Variants in LRP8 observed in about 807,000 individuals in gnomAD.
LRP8 encodes the protein low-density lipoprotein receptor-related protein 8.
Under a neutral mutation model 111.6 loss-of-function variants are expected in LRP8, and 46 were observed. That is an observed-to-expected ratio of 0.41 (90% CI 0.33 to 0.53). LRP8 has a LOEUF of 0.53. LRP8 is among the 20% of genes least tolerant of loss of function. LRP8 has a pLI of 0.20. For synonymous variants in LRP8, 464 were observed against 511.2 expected (o/e 0.91, Z 1.24); for missense variants, 959 against 1,297.4 (o/e 0.74, Z 4.01).
chr1:53,277,011 G>A lies in LRP8; in HGVS notation c.564C>T (p.Gly188=), dbSNP rs371476274. The change falls in exon 5 of 19, where the codon GGC becomes GGT. Residue 188 remains glycine (G), a synonymous_variant. Transcript: ENST00000306052. ...SCLAAVFVCD[G]DDDCGDGSDE... ...CGCTGCCGTCACCACAGTCGTCGTC[G>A]CCGTCGCACACGAACACGGCGGCCA... is the stretch of plus-strand genomic sequence containing the variant. 1.4e-5 allele frequency: 21 copies of A among 1,518,618 alleles called. No individual in the cohort carries two copies. The East Asian group carries it at 5.4e-4, about 39-fold the overall frequency. 94.1% of individuals were successfully genotyped at this position (1,518,618 alleles called of 1,614,324 possible).
chr1:53,322,266 C>A (rs775809819), intron 2 of LRP8, among the ~76,000 whole-genome samples: 107 of 152,170 alleles, frequency 7.0e-4, no homozygotes, highest in Non-Finnish European at 1.3e-3. Flanking sequence ...GATGTAAAAA[C>A]CAGGTGTGTC....
At position 53,275,512 on chromosome 1, in the gene LRP8, TG is replaced by T; in HGVS notation, c.1006+118del. The stretch of plus-strand genomic sequence containing the variant: ...GGTGATTTAGGGGCAAGTGATGCTC[TG>T]GGGGAAAATGCATCTTGGGGACCAA... On this transcript the variant is annotated intron_variant, in intron 6 of 18. Transcript: ENST00000306052. This position sits in a 1 kb window ranked among gnomAD's most constrained non-coding sequence, Gnocchi z 4.4. 1 of 1,365,006 alleles carries T rather than the reference TG, an allele frequency of 7.3e-7. No individual in the cohort carries two copies. The allele number at this position is 1,365,006 out of a possible 1,614,324, so 84.6% of individuals were successfully genotyped here. A position where few individuals can be genotyped will look rare whatever the true frequency, so the allele number is the denominator to read the frequency against.
intron 3 of LRP8, among the ~76,000 whole-genome samples, chr1:53,289,087 A>C (rs997039875): frequency 2.6e-5 from 4 of 152,238 alleles, no homozygotes; most frequent in Middle Eastern, 3.2e-3. Flanking sequence ...CAAGTCACTC[A>C]ACCTCTTTGA....
chr1:53,314,123 G>A (rs918122450), intron 2 of LRP8, among the ~76,000 whole-genome samples: 10 of 152,182 alleles, frequency 6.6e-5, no homozygotes, highest in African/African-American at 1.4e-4. Context: ...CCTGCACTCC[G>A]GCCTAGTCCA....
At chr1:53,314,220 C>T (rs1308857252) in intron 2 of LRP8, among the ~76,000 whole-genome samples, 1 of 152,230 alleles carries the variant, frequency 6.6e-6, no homozygotes, top group Non-Finnish European at 1.5e-5. Flanking sequence ...TGCCCTGCTA[C>T]CCAGGAGAGC....
rs752541201 is a variant in LRP8 at position 53,264,156 on chromosome 1, T to C, written c.1655+13A>G. 44 of 1,612,856 alleles carry C rather than the reference T, an allele frequency of 2.7e-5. No individual in the cohort carries two copies. The highest frequency in any genetic ancestry group is 3.5e-5 in the Non-Finnish European group (41 of 1,179,268). Reference sequence around the variant, plus strand: ...TATGGTGGGAGAATGGGAAGTTCAGTTGGGACACTCACCCTCGCAGGGGGT... The same window carrying C: ...TATGGTGGGAGAATGGGAAGTTCAGCTGGGACACTCACCCTCGCAGGGGGT... On this transcript the variant is annotated intron_variant, in intron 10 of 18. Coordinates refer to ENST00000306052, the MANE Select transcript of LRP8 (RefSeq NM_004631.5).
In LRP8 at chr1:53,250,905, A is replaced by C. The variant is rs768431147; in HGVS notation, c.2504-43T>G. On this transcript the variant is annotated intron_variant, in intron 16 of 18. Coordinates refer to ENST00000306052, the MANE Select transcript of LRP8 (RefSeq NM_004631.5). This position sits in a 1 kb window ranked among gnomAD's most constrained non-coding sequence, Gnocchi z 4.6. The stretch of plus-strand genomic sequence containing the variant: ...GACACTGGACCTCCAGCAGGCTCCA[A>C]CCCACTGCTCAGACATCTGTACAAG... The C allele has an allele frequency of 1.3e-5, 20 of 1,568,474 alleles. No homozygotes were observed. The highest frequency in any genetic ancestry group is 1.7e-5 in the Non-Finnish European group (19 of 1,139,432).
chr1:53,287,396 G>A (rs1647729677), intron 3 of LRP8, among the ~76,000 whole-genome samples: 1 of 152,238 alleles, frequency 6.6e-6, no homozygotes, highest in Non-Finnish European at 1.5e-5. Context: ...AAGGGGGAAA[G>A]GGGGTCTCAG....
intron 4 of LRP8, among the ~76,000 whole-genome samples, chr1:53,278,665 G>C (rs1378479017): frequency 6.6e-6 from 1 of 151,672 alleles, no homozygotes; most frequent in African/African-American, 2.4e-5. Context: ...CTGACACCTA[G>C]ATGAGCTCCC....
intron 8 of LRP8, 75 bp downstream of exon 8, chr1:53,270,953 A>G: frequency 1.9e-6 from 3 of 1,607,378 alleles, no homozygotes; most frequent in Non-Finnish European, 2.6e-6. Flanking sequence ...GTACACGCCC[A>G]CTCCTCACAA....
intron 12 of LRP8, among the ~76,000 whole-genome samples, 194 bp from the exon 13 acceptor site, chr1:53,260,799 G>A (rs1646305607): frequency 6.6e-6 from 1 of 152,150 alleles, no homozygotes; most frequent in Non-Finnish European, 1.5e-5. Flanking sequence ...CTATCTTAGA[G>A]GATTATTCAG....
At chr1:53,300,860 C>T (rs928130094) in intron 2 of LRP8, among the ~76,000 whole-genome samples, 4 of 152,220 alleles carry the variant, frequency 2.6e-5, no homozygotes, top group African/African-American at 9.6e-5. Flanking sequence ...CCAGGCTGCC[C>T]TTGACCTCTG....
rs200063111 is a variant in LRP8, at chr1:53,264,342, C to T, written c.1482G>A (p.Glu494=). The change falls in exon 10 of 19, where the codon GAG becomes GAA. Residue 494 remains glutamate (E), a synonymous_variant. Coordinates refer to ENST00000306052, the MANE Select transcript of LRP8 (RefSeq NM_004631.5). Reference sequence around the variant, plus strand: ...CCAGGCCCTCTGGAGAGTGCAACTGCTCGTCAATGAGGACCTCCTGCTCTT... The same window carrying T: ...CCAGGCCCTCTGGAGAGTGCAACTGTTCGTCAATGAGGACCTCCTGCTCTT... ...DPKEQEVLID[E]QLHSPEGLAV... is the part of the protein sequence containing the mutation. The T allele has an allele frequency of 6.2e-7, 1 of 1,614,110 alleles. No individual in the cohort carries two copies. Among genetic ancestry groups the T allele is most frequent in the Admixed American group, 1.7e-5 (1 of 60,012 alleles).
intron 2 of LRP8, among the ~76,000 whole-genome samples, chr1:53,300,788 A>G (rs977159286): frequency 2.0e-5 from 3 of 152,180 alleles, no homozygotes; most frequent in Admixed American, 6.5e-5. Context: ...GAGTTCCACA[A>G]AGCCCTGCCT....
chr1:53,302,628 T>G (rs1421938595), intron 2 of LRP8, among the ~76,000 whole-genome samples: 2 of 152,024 alleles, frequency 1.3e-5, no homozygotes, highest in African/African-American at 2.4e-5. Flanking sequence ...TTGCTTGCAC[T>G]GCATTAGGAA....
chr1:53,264,031 T>C, intron 10 of LRP8, 138 bp downstream of exon 10: 1 of 797,520 alleles, frequency 1.3e-6, no homozygotes, highest in Non-Finnish European at 2.0e-6. Flanking sequence ...TGGTTGGGGA[T>C]TAACAAGACT....
At chr1:53,272,178 C>G (rs1191744578) in intron 6 of LRP8, among the ~76,000 whole-genome samples, 2 of 152,092 alleles carry the variant, frequency 1.3e-5, no homozygotes, top group African/African-American at 4.8e-5. Context: ...AACTCCTCTC[C>G]TCTCAGCACC....
At chr1:53,306,597 C>T (rs142891288) in intron 2 of LRP8, among the ~76,000 whole-genome samples, 1 of 152,312 alleles carries the variant, frequency 6.6e-6, no homozygotes, top group African/African-American at 2.4e-5. Context: ...CCCACTGCTC[C>T]CTGGGTCTGT....
chr1:53,266,792 G>T lies in LRP8; in HGVS notation c.1253-145C>A, dbSNP rs1572482692. 2 of 673,584 alleles carry T rather than the reference G, an allele frequency of 3.0e-6. No individual in the cohort carries two copies. Among genetic ancestry groups the T allele is most frequent in the Non-Finnish European group, 5.2e-6 (2 of 387,344 alleles). The allele number at this position is 673,584 out of a possible 1,614,324, so 41.7% of individuals were successfully genotyped here. A position where few individuals can be genotyped will look rare whatever the true frequency, so the allele number is the denominator to read the frequency against. ...AATTCCTACTTTACAGGTTGCAGGA[G>T]CAGATGAAATAATGAGTACAGAAAG... On this transcript the variant is annotated intron_variant, in intron 8 of 18. Coordinates refer to ENST00000306052, the MANE Select transcript of LRP8 (RefSeq NM_004631.5). This position sits in a 1 kb window ranked among gnomAD's most constrained non-coding sequence, Gnocchi z 5.0.
Sources: gnomAD v4.1 joint callset for allele counts (sites outside exome capture counted in the v4.1 genomes callset) on GRCh38, gnomAD v4.1.1 for gene constraint, Gnocchi (gnomAD v3.1) non-coding constraint, MANE v1.5 for transcripts, NCBI Gene and HGNC (gene_info 2026-07-23, HGNC 2026-07-21) for gene names.